Variants in PRELID2 observed in about 807,000 individuals in gnomAD.
PRELID2 encodes PRELI domain-containing protein 2.
Under a neutral mutation model 28.4 loss-of-function variants are expected in PRELID2, and 25 were observed. The ratio of observed to expected loss-of-function variants is 0.88; its 90% CI spans 0.64 to 1.23. The LOEUF is 1.23. Ranked by LOEUF, PRELID2 falls within the 50% of genes most tolerant of loss-of-function variation. The probability of loss-of-function intolerance (pLI) is 0.00; values close to 1 mark genes in which losing one functional copy is unlikely to be tolerated. For missense variants in PRELID2, 201 were observed against 214.4 expected (o/e 0.94, Z 0.39); for synonymous variants, 76 against 71.6 (o/e 1.06, Z -0.31).
At chr5:145,423,754 T>A in the PRELID2 span, among the ~76,000 whole-genome samples, 1 of 120,178 alleles carries the variant, frequency 8.3e-6, no homozygotes, top group African/African-American at 3.1e-5. Context: ...TCATTCTCCA[T>A]CCAGCTTTGT....
chr5:145,449,608 G>C, the PRELID2 span, among the ~76,000 whole-genome samples: 1 of 152,042 alleles, frequency 6.6e-6, no homozygotes, highest in African/African-American at 2.4e-5. Context: ...TCCCATTTAG[G>C]ACCACAGGTT....
At chr5:145,683,316 CA>C (rs764065228) in intron 1 of PRELID2, among the ~76,000 whole-genome samples, 2 of 152,076 alleles carry the variant, frequency 1.3e-5, no homozygotes, top group African/African-American at 2.4e-5. Context: ...ATAGATTCAG[CA>C]ATCAACAAAA....
intron 1 of PRELID2, among the ~76,000 whole-genome samples, chr5:145,614,210 T>C (rs542184046): frequency 6.6e-6 from 1 of 152,374 alleles, no homozygotes; most frequent in African/African-American, 2.4e-5. Context: ...CATGCTGTTT[T>C]GGCGACTATG....
intron 1 of PRELID2, among the ~76,000 whole-genome samples, chr5:145,481,623 C>CAACAAAAAAAAAAAAAAAAAAA (rs1752160271): frequency 4.8e-5 from 2 of 41,862 alleles, no homozygotes; most frequent in African/African-American, 2.4e-4. Context: ...GCAAGGAAAT[C>CAACAAAAAAAAAAAAAAAAAAA]AAAAAAAAAA....
At chr5:145,813,943 T>G (rs1754121329) in intron 4 of PRELID2, among the ~76,000 whole-genome samples, 1 of 152,208 alleles carries the variant, frequency 6.6e-6, no homozygotes, top group South Asian at 2.1e-4. Flanking sequence ...TCATAGAGAC[T>G]TTCACCACAA....
At chr5:145,283,410 G>T in the PRELID2 span, among the ~76,000 whole-genome samples, 1 of 152,312 alleles carries the variant, frequency 6.6e-6, no homozygotes, top group South Asian at 2.1e-4. Flanking sequence ...GTTTTCAGCT[G>T]CAGTTAGCTT....
intron 5 of PRELID2, among the ~76,000 whole-genome samples, chr5:145,789,827 CA>C (rs1320183687): frequency 6.6e-6 from 1 of 151,962 alleles, no homozygotes; most frequent in African/African-American, 2.4e-5. Context: ...AAGAAATGGG[CA>C]AAGAACCAGA....
the PRELID2 span, among the ~76,000 whole-genome samples, chr5:145,407,035 C>T: frequency 1.3e-5 from 2 of 152,158 alleles, no homozygotes; most frequent in African/African-American, 2.4e-5. Context: ...GAAGCTTCTA[C>T]CTAAACTTTG....
chr5:145,566,622 T>G (rs1249019220), intron 1 of PRELID2, among the ~76,000 whole-genome samples: 1 of 152,058 alleles, frequency 6.6e-6, no homozygotes, highest in Non-Finnish European at 1.5e-5. Context: ...GGCAGATCAC[T>G]TGATGTCATG....
At chr5:145,457,439 A>G in the PRELID2 span, among the ~76,000 whole-genome samples, 3 of 152,188 alleles carry the variant, frequency 2.0e-5, no homozygotes, top group East Asian at 1.9e-4. Flanking sequence ...GGCCATAGTC[A>G]TTGCATTATA....
chr5:145,518,439 C>T (rs1224667204), intron 1 of PRELID2, among the ~76,000 whole-genome samples: 1 of 152,008 alleles, frequency 6.6e-6, no homozygotes, highest in Non-Finnish European at 1.5e-5. Context: ...ACCTCGTGAT[C>T]CTCCCACCTC....
rs112576601 is a variant in PRELID2, at chr5:145,572,930, C to T, written n.71-99615G>A. On this transcript the variant is annotated intron_variant and non_coding_transcript_variant, in intron 1 of 2. Coordinates refer to the PRELID2 transcript ENST00000510259. The stretch of plus-strand genomic sequence containing the variant: ...GATTACTCTTCTGGCATGAGAGACC[C>T]ATCTGGCTCAAATTCTCACCCCACC... 5.1e-3 allele frequency among the ~76,000 whole-genome samples: 779 copies of T among 152,236 alleles called. 8 individuals carry two copies. Among genetic ancestry groups the T allele is most frequent in the African/African-American group, 0.018 (741 of 41,530 alleles).
intron 1 of PRELID2, among the ~76,000 whole-genome samples, chr5:145,699,167 G>C (rs921822632): frequency 9.9e-5 from 15 of 152,168 alleles, no homozygotes; most frequent in African/African-American, 3.6e-4. Context: ...AGCGTACCTA[G>C]TTCCTTTTGG....
the PRELID2 span, chr5:145,229,965 G>A: frequency 1.3e-6 from 1 of 745,004 alleles, no homozygotes; most frequent in Non-Finnish European, 2.5e-6. Context: ...GGGTGATTAT[G>A]AGCCGATTGA....
chr5:145,473,990 G>C (rs1752077864), intron 1 of PRELID2, among the ~76,000 whole-genome samples: 1 of 152,204 alleles, frequency 6.6e-6, no homozygotes, highest in South Asian at 2.1e-4. Flanking sequence ...AGCCGCCTTA[G>C]TTAGTAACAG....
intron 1 of PRELID2, among the ~76,000 whole-genome samples, chr5:145,832,168 C>G (rs4516907): frequency 6.6e-6 from 1 of 151,772 alleles, no homozygotes; most frequent in African/African-American, 2.4e-5. Context: ...TGAGCACAGC[C>G]AAGTTTTTTG....
chr5:145,388,155 T>A, the PRELID2 span, among the ~76,000 whole-genome samples: 1 of 152,132 alleles, frequency 6.6e-6, no homozygotes, highest in Non-Finnish European at 1.5e-5. Context: ...AGTAGGGAAT[T>A]GAGTGTTTGA....
chr5:145,563,168 A>G (rs1183172433), intron 1 of PRELID2, among the ~76,000 whole-genome samples: 1 of 152,230 alleles, frequency 6.6e-6, no homozygotes, highest in Non-Finnish European at 1.5e-5. Flanking sequence ...TCAAGTCAGC[A>G]TGCAATTCTG....
chr5:145,808,859 G>A (rs1203948930), intron 4 of PRELID2, among the ~76,000 whole-genome samples: 1 of 151,088 alleles, frequency 6.6e-6, no homozygotes, highest in Non-Finnish European at 1.5e-5. Context: ...ACTCCAGCCT[G>A]GGCAACAGAG....
Sources: gnomAD v4.1 joint callset for allele counts (sites outside exome capture counted in the v4.1 genomes callset) on GRCh38, gnomAD v4.1.1 for gene constraint, MANE v1.5 for transcripts, NCBI Gene and HGNC (gene_info 2026-07-23, HGNC 2026-07-21) for gene names.